MKLN1: variants seen among roughly 807,000 people sequenced by gnomAD.
MKLN1 encodes muskelin.
A neutral mutation model predicts 99.0 loss-of-function variants in MKLN1; 18 were observed. The ratio of observed to expected loss-of-function variants is 0.18; its 90% CI spans 0.13 to 0.27. The LOEUF (loss-of-function observed/expected upper bound fraction) is 0.27. MKLN1 is among the 10% of genes least tolerant of loss of function. MKLN1 has a pLI of 1.00. For missense variants in MKLN1, 621 were observed against 875.9 expected (o/e 0.71, Z 3.67); for synonymous variants, 288 against 293.2 (o/e 0.98, Z 0.18).
intron 2 of MKLN1, among the ~76,000 whole-genome samples, chr7:131,192,158 T>C (rs1423009810): frequency 8.6e-6 from 1 of 116,374 alleles, no homozygotes; most frequent in East Asian, 2.1e-4. Context: ...TATATACATA[T>C]ATACTTATGT....
chr7:131,483,347 G>T (rs1797178283), intron 17 of MKLN1, among the ~76,000 whole-genome samples: 1 of 152,042 alleles, frequency 6.6e-6, no homozygotes, highest in Non-Finnish European at 1.5e-5. Flanking sequence ...TCACTTATAC[G>T]TAATACATCT....
In MKLN1 at chr7:131,439,865, AACACACACACACACACACACACACAC is replaced by A. The variant is rs57399724; in HGVS notation, c.1173+1896_1173+1921del. Among the ~76,000 whole-genome samples the A allele has an allele frequency of 7.5e-4, 110 of 146,320 alleles. 1 individual carries two copies. The highest frequency in any genetic ancestry group is 2.1e-3 in the African/African-American group (84 of 39,548). On this transcript the variant is annotated intron_variant, in intron 10 of 17. Coordinates refer to ENST00000352689, the MANE Select transcript of MKLN1 (RefSeq NM_013255.5). ...AATGGTAATCAAGCAAAAAGATTTA[AACACACACACACACACACACACACAC>A]ACACACACACACACACACACACACA...
At position 131,201,604 on chromosome 7, in the gene MKLN1, T is replaced by C. The variant is rs139983300; in HGVS notation, c.-296-1253T>C. 4.6e-4 allele frequency among the ~76,000 whole-genome samples: 70 copies of C among 152,340 alleles called. 1 individual carries two copies. The highest frequency in any genetic ancestry group is 1.6e-3 in the African/African-American group (66 of 41,578). ...ACAATTAGAATCATCATCCGTCTTG[T>C]ATACTGTATCTACTTTGGTGCCAAA... On this transcript the variant is annotated intron_variant, in intron 2 of 7. Coordinates refer to the MKLN1 transcript ENST00000416992.
chr7:131,258,600 GGTTACAATT>G (rs1797690552), intron 3 of MKLN1, among the ~76,000 whole-genome samples: 1 of 152,152 alleles, frequency 6.6e-6, no homozygotes. Flanking sequence ...TTTAAAGCAA[GGTTACAATT>G]GTTGGTATAA....
intron 1 of MKLN1, among the ~76,000 whole-genome samples, chr7:131,343,401 C>T (rs979532216): frequency 3.9e-5 from 6 of 152,102 alleles, no homozygotes; most frequent in Non-Finnish European, 5.9e-5. Flanking sequence ...TTTCTTTCCA[C>T]ATTCACCCTT....
intron 1 of MKLN1, among the ~76,000 whole-genome samples, chr7:131,128,784 G>C (rs904986357): frequency 3.4e-5 from 5 of 147,150 alleles, no homozygotes; most frequent in Non-Finnish European, 7.6e-5. Context: ...TTTTTTTTTA[G>C]AGATGGGGCG....
chr7:131,137,179 C>A (rs1380400945), intron 1 of MKLN1, among the ~76,000 whole-genome samples: 1 of 152,124 alleles, frequency 6.6e-6, no homozygotes, highest in Non-Finnish European at 1.5e-5. Context: ...TCCTGTGCAT[C>A]TAGAATAGCG....
chr7:131,261,931 A>G (rs73153432), intron 3 of MKLN1, among the ~76,000 whole-genome samples: 15,831 of 152,192 alleles, frequency 0.1, 911 homozygotes, highest in African/African-American at 0.14. Flanking sequence ...GTTCTCACTT[A>G]TAAGTATGAG....
chr7:131,388,182 A>C (rs1177977666), intron 3 of MKLN1, among the ~76,000 whole-genome samples: 1 of 152,120 alleles, frequency 6.6e-6, no homozygotes, highest in African/African-American at 2.4e-5. Context: ...CAAAAACAAA[A>C]ACAAAAACAA....
At chr7:131,110,231 C>G (rs899910180) in intron 1 of MKLN1, 4 of 157,226 alleles carry the variant, frequency 2.5e-5, no homozygotes, top group African/African-American at 9.7e-5. Flanking sequence ...TGCAGGTGGT[C>G]GCCTTGGGAA....
chr7:131,130,310 C>T (rs141833999), intron 1 of MKLN1, among the ~76,000 whole-genome samples: 41 of 152,286 alleles, frequency 2.7e-4, no homozygotes, highest in African/African-American at 9.6e-4. Context: ...TGGTGGATTC[C>T]AGAACCTACA....
chr7:131,204,051 C>A (rs941010503), intron 3 of MKLN1, among the ~76,000 whole-genome samples: 1 of 152,220 alleles, frequency 6.6e-6, no homozygotes, highest in Non-Finnish European at 1.5e-5. Context: ...TCTTGCATCT[C>A]CTCATCCTGT....
At chr7:131,360,403 G>T (rs1799995627) in intron 1 of MKLN1, among the ~76,000 whole-genome samples, 1 of 152,044 alleles carries the variant, frequency 6.6e-6, no homozygotes. Context: ...GATTTAAAAT[G>T]GACATTGATT....
chr7:131,387,051 A>G lies in MKLN1; in HGVS notation c.169-69A>G, dbSNP rs555804185. The stretch of plus-strand genomic sequence containing the variant: ...TTATACATTCTTCTGTTAACTGGCA[A>G]TAGTTTTAAAGTTGTCTAACATTTG... On this transcript the variant is annotated intron_variant, in intron 2 of 17. Transcript: ENST00000352689. The G allele has an allele frequency of 3.1e-5, 44 of 1,406,116 alleles. No individual in the cohort carries two copies. In the East Asian group the frequency reaches 5.6e-4, roughly 18 times the overall value. 87.1% of individuals were successfully genotyped at this position (1,406,116 alleles called of 1,614,324 possible).
chr7:131,226,230 G>C (rs1342505414), intron 3 of MKLN1, among the ~76,000 whole-genome samples: 2 of 152,138 alleles, frequency 1.3e-5, no homozygotes, highest in Admixed American at 1.3e-4. Flanking sequence ...GGCTCACCAT[G>C]GTTTTATAAT....
chr7:131,196,188 G>A lies in MKLN1; in HGVS notation c.-296-6669G>A, dbSNP rs182064070. Among the ~76,000 whole-genome samples the A allele has an allele frequency of 2.8e-3, 429 of 152,162 alleles. 1 individual carries two copies. Among genetic ancestry groups the A allele is most frequent in the Non-Finnish European group, 5.0e-3 (343 of 68,012 alleles). On this transcript the variant is annotated intron_variant, in intron 2 of 7. Coordinates refer to the MKLN1 transcript ENST00000416992. ...TTACCTATAAAGTTGGGTTACTACT[G>A]AATTGCATAGCACATGGAAGCTGGA... is the stretch of plus-strand genomic sequence containing the variant.
At chr7:131,281,778 C>A (rs1297311634) in intron 3 of MKLN1, among the ~76,000 whole-genome samples, 1 of 151,862 alleles carries the variant, frequency 6.6e-6, no homozygotes, top group Non-Finnish European at 1.5e-5. Context: ...AACTTGTGAG[C>A]TCAGCAATCA....
intron 3 of MKLN1, among the ~76,000 whole-genome samples, chr7:131,245,300 G>C (rs866221339): frequency 3.4e-4 from 46 of 133,994 alleles, no homozygotes; most frequent in African/African-American, 1.2e-3. Context: ...ACAGAGTCTC[G>C]CTCTGTTGCC....
chr7:131,133,525 T>C (rs1022663951), intron 1 of MKLN1, among the ~76,000 whole-genome samples: 1 of 151,576 alleles, frequency 6.6e-6, no homozygotes, highest in African/African-American at 2.4e-5. Flanking sequence ...GGCTACTTTT[T>C]GTATTTTTAG....
Sources: gnomAD v4.1 joint callset for allele counts (sites outside exome capture counted in the v4.1 genomes callset) on GRCh38, gnomAD v4.1.1 for gene constraint, MANE v1.5 for transcripts, NCBI Gene and HGNC (gene_info 2026-07-23, HGNC 2026-07-21) for gene names.